VCF1: variants seen among roughly 807,000 people sequenced by gnomAD.
VCF1 encodes protein VCF1.
the VCF1 span, chr17:73,227,286 A>G: frequency 3.7e-4 from 77 of 208,318 alleles, no homozygotes; most frequent in Non-Finnish European, 8.6e-5. Flanking sequence ...TCACAAGGAG[A>G]AAAAAAAAAA....
the VCF1 span, chr17:73,209,739 G>GCTGCTCCCACCA: frequency 6.5e-7 from 1 of 1,543,306 alleles, no homozygotes; most frequent in East Asian, 2.4e-5. Context: ...TGCTGCTGCT[G>GCTGCTCCCACCA]CTGCTCCCAC....
chr17:73,216,872 C>G, the VCF1 span, among the ~76,000 whole-genome samples: 4 of 152,164 alleles, frequency 2.6e-5, no homozygotes, highest in Non-Finnish European at 5.9e-5. Flanking sequence ...AGACAACTCA[C>G]TTATACCCAT....
chr17:73,227,518 T>C, the VCF1 span: 6 of 703,666 alleles, frequency 8.5e-6, no homozygotes, highest in South Asian at 3.3e-4. Context: ...TTAACAATTT[T>C]AAATGTCTGT....
the VCF1 span, among the ~76,000 whole-genome samples, chr17:73,225,492 A>T: frequency 6.6e-6 from 1 of 152,096 alleles, no homozygotes; most frequent in Non-Finnish European, 1.5e-5. Context: ...AAAAGATGGC[A>T]ATTTCTATTG....
the VCF1 span, among the ~76,000 whole-genome samples, chr17:73,230,827 G>A: frequency 6.6e-6 from 1 of 152,204 alleles, no homozygotes. Context: ...TTGTGTACAA[G>A]ATAAAAGGAA....
At chr17:73,221,839 T>C in the VCF1 span, among the ~76,000 whole-genome samples, 1 of 151,774 alleles carries the variant, frequency 6.6e-6, no homozygotes, top group Non-Finnish European at 1.5e-5. Context: ...ATCGAGACCA[T>C]TCTGGCCAAC....
chr17:73,229,582 T>G, the VCF1 span: 3 of 985,268 alleles, frequency 3.0e-6, no homozygotes, highest in African/African-American at 5.2e-5. Flanking sequence ...CTTAAGAGTA[T>G]GGGCTGGGCA....
the VCF1 span, chr17:73,209,619 C>T: frequency 3.8e-6 from 6 of 1,570,652 alleles, no homozygotes; most frequent in African/African-American, 4.1e-5. Flanking sequence ...CTTGGCACAG[C>T]GCGGACTGCT....
the VCF1 span, chr17:73,231,976 G>A: frequency 1.5e-5 from 18 of 1,237,828 alleles, no homozygotes; most frequent in South Asian, 3.1e-5. Flanking sequence ...GCACCCCACA[G>A]GGAGCCCCGC....
the VCF1 span, among the ~76,000 whole-genome samples, chr17:73,210,185 A>G: frequency 6.6e-6 from 1 of 152,216 alleles, no homozygotes; most frequent in Non-Finnish European, 1.5e-5. Context: ...GAGTATAAAA[A>G]AGGTGACAAA....
At chr17:73,217,770 G>C in the VCF1 span, among the ~76,000 whole-genome samples, 2 of 151,984 alleles carry the variant, frequency 1.3e-5, no homozygotes, top group South Asian at 4.1e-4. Context: ...TCAGGAGTTT[G>C]AGACCAGCCT....
the VCF1 span, among the ~76,000 whole-genome samples, chr17:73,213,740 C>T: frequency 5.6e-4 from 85 of 152,268 alleles, no homozygotes; most frequent in Middle Eastern, 3.4e-3. Context: ...GAGGCTGAGG[C>T]AGGCAGATCA....
the VCF1 span, chr17:73,227,744 T>C: frequency 4.0e-6 from 3 of 741,630 alleles, no homozygotes; most frequent in South Asian, 1.8e-4. Flanking sequence ...TTCACCTGCT[T>C]ATTCTGGCAA....
chr17:73,229,867 C>CAAA, the VCF1 span, among the ~76,000 whole-genome samples: 1,175 of 22,590 alleles, frequency 0.052, 309 homozygotes, highest in East Asian at 0.18. Context: ...GACTCCATCT[C>CAAA]AAAAAAAAAA....
chr17:73,214,771 C>G, the VCF1 span, among the ~76,000 whole-genome samples: 3 of 152,150 alleles, frequency 2.0e-5, no homozygotes, highest in African/African-American at 2.4e-5. Context: ...AAGTGTTTAC[C>G]TTGTCACATT....
chr17:73,224,884 G>GGA, the VCF1 span, among the ~76,000 whole-genome samples: 2 of 148,978 alleles, frequency 1.3e-5, no homozygotes, highest in Non-Finnish European at 3.0e-5. Context: ...GGACAGCACA[G>GGA]CACAGGACAG....
At chr17:73,207,780 TC>T in the VCF1 span, 3,052 of 1,289,116 alleles carry the variant, frequency 2.4e-3, 67 homozygotes, top group African/African-American at 0.042. Context: ...GTTTGAAAGC[TC>T]AAACAGCTTG....
the VCF1 span, chr17:73,227,627 C>A: frequency 1.0e-6 from 1 of 988,768 alleles, no homozygotes. Flanking sequence ...AATTAGGATT[C>A]CGAGTTACCT....
At chr17:73,209,212 T>C in the VCF1 span, 1 of 342,456 alleles carries the variant, frequency 2.9e-6, no homozygotes, top group South Asian at 5.5e-5. Flanking sequence ...TTGACAGATT[T>C]GGAAATCAGT....
Sources: gnomAD v4.1 joint callset for allele counts (sites outside exome capture counted in the v4.1 genomes callset) on GRCh38, gnomAD v4.1.1 for gene constraint, MANE v1.5 for transcripts, NCBI Gene and HGNC (gene_info 2026-07-23, HGNC 2026-07-21) for gene names.